PRR16: variants seen among roughly 807,000 people sequenced by gnomAD.
The protein encoded by PRR16 is proline rich 16, also known as protein Largen.
In PRR16, 6 loss-of-function variants were observed where a neutral mutation model predicts 18.2. The ratio of observed to expected loss-of-function variants is 0.33; its 90% CI spans 0.18 to 0.65. The LOEUF (loss-of-function observed/expected upper bound fraction) is 0.65, where lower values mean the gene tolerates loss of function less well. Among genes scored for constraint, PRR16 ranks in the 30% least tolerant of loss-of-function variants. The pLI is 0.74. For missense variants in PRR16, 412 were observed against 376.6 expected, an observed-to-expected ratio of 1.09 and a Z score of -0.78; for synonymous variants, 151 against 147.8, an observed-to-expected ratio of 1.02 and a Z score of -0.16.
intron 1 of PRR16, among the ~76,000 whole-genome samples, chr5:120,470,887 CCAAG>C (rs1749246510): frequency 6.6e-6 from 1 of 152,070 alleles, no homozygotes; most frequent in Non-Finnish European, 1.5e-5. Flanking sequence ...GCATTAACCG[CCAAG>C]CTCTTTCACG....
chr5:120,764,136 T>A, the PRR16 span, among the ~76,000 whole-genome samples: 1 of 150,448 alleles, frequency 6.6e-6, no homozygotes. Flanking sequence ...TTGTCTTGTT[T>A]TAGTTCTTAG....
chr5:120,556,233 G>GTTTTTTTTTTTTTTTT (rs34053155), intron 1 of PRR16, among the ~76,000 whole-genome samples: 1 of 121,760 alleles, frequency 8.2e-6, no homozygotes, highest in African/African-American at 3.1e-5. Flanking sequence ...CAATTTCATT[G>GTTTTTTTTTTTTTTTT]TTTTTTTTTT....
chr5:120,562,832 T>G (rs963382602), intron 1 of PRR16, among the ~76,000 whole-genome samples: 2 of 152,310 alleles, frequency 1.3e-5, no homozygotes, highest in Admixed American at 1.3e-4. Flanking sequence ...TGTCTTATTG[T>G]ATTGTCTATG....
intron 1 of PRR16, among the ~76,000 whole-genome samples, chr5:120,569,638 A>G (rs2112732817): frequency 1.3e-5 from 2 of 152,280 alleles, no homozygotes; most frequent in South Asian, 4.1e-4. Context: ...TGATAAGAAC[A>G]AAACATCACC....
chr5:120,617,522 T>A (rs1754552467), intron 1 of PRR16, among the ~76,000 whole-genome samples: 1 of 152,192 alleles, frequency 6.6e-6, no homozygotes, highest in South Asian at 2.1e-4. Context: ...AAGAAATATT[T>A]GTTGTTTGTT....
At chr5:120,569,076 C>G (rs1752823760) in intron 1 of PRR16, among the ~76,000 whole-genome samples, 1 of 152,052 alleles carries the variant, frequency 6.6e-6, no homozygotes, top group African/African-American at 2.4e-5. Context: ...ATACATGCCT[C>G]TAATCAGTAT....
chr5:120,732,376 G>A, the PRR16 span, among the ~76,000 whole-genome samples: 1 of 152,082 alleles, frequency 6.6e-6, no homozygotes, highest in Non-Finnish European at 1.5e-5. Context: ...GAGTGGGTAT[G>A]GATGCTGGTG....
chr5:120,541,065 C>T (rs540642471), intron 1 of PRR16, among the ~76,000 whole-genome samples: 1 of 152,202 alleles, frequency 6.6e-6, no homozygotes, highest in East Asian at 1.9e-4. Context: ...TAATTGATTG[C>T]TTTAGTATTT....
At chr5:120,507,449 G>A (rs1217084844) in intron 1 of PRR16, among the ~76,000 whole-genome samples, 1 of 152,020 alleles carries the variant, frequency 6.6e-6, no homozygotes, top group Non-Finnish European at 1.5e-5. Flanking sequence ...TAGCAAAAGT[G>A]GCAAATGTGT....
chr5:120,651,108 T>C (rs1755767758), intron 1 of PRR16, among the ~76,000 whole-genome samples: 3 of 152,200 alleles, frequency 2.0e-5, no homozygotes, highest in Admixed American at 2.0e-4. Flanking sequence ...ATGTGTCTTT[T>C]GGCTGCATAA....
chr5:120,617,045 A>G, intron 1 of PRR16: 1 of 900,554 alleles, frequency 1.1e-6, no homozygotes. Flanking sequence ...TTTTTTGGAA[A>G]GTCTAAAGTA....
intron 1 of PRR16, among the ~76,000 whole-genome samples, chr5:120,645,287 C>T (rs1755550361): frequency 6.6e-6 from 1 of 151,734 alleles, no homozygotes; most frequent in Non-Finnish European, 1.5e-5. Context: ...GACTTTAAGG[C>T]TGGTACTGTA....
At chr5:120,752,986 G>GATA in the PRR16 span, among the ~76,000 whole-genome samples, 148,741 of 151,906 alleles carry the variant, frequency 0.98, 72,899 homozygotes, top group East Asian at 1. Flanking sequence ...TAATATTATT[G>GATA]ATGTCAAATG....
chr5:120,695,966 T>A, the PRR16 span, among the ~76,000 whole-genome samples: 2 of 151,874 alleles, frequency 1.3e-5, no homozygotes, highest in African/African-American at 2.4e-5. Context: ...AAACCGGCCA[T>A]GCACGGTGGC....
At chr5:120,793,510 A>AGAAGACCTG in the PRR16 span, among the ~76,000 whole-genome samples, 1 of 152,282 alleles carries the variant, frequency 6.6e-6, no homozygotes, top group South Asian at 2.1e-4. Context: ...GTAAGACATC[A>AGAAGACCTG]GAAGACCTGA....
chr5:120,675,880 A>G (rs144420955), intron 1 of PRR16, among the ~76,000 whole-genome samples: 1,991 of 152,284 alleles, frequency 0.013, 17 homozygotes, highest in Middle Eastern at 0.048. Flanking sequence ...AGGCTCAACT[A>G]TGAATAATGA....
chr5:120,744,430 C>G, the PRR16 span, among the ~76,000 whole-genome samples: 1 of 152,188 alleles, frequency 6.6e-6, no homozygotes, highest in Non-Finnish European at 1.5e-5. Flanking sequence ...ATCTTTAGTT[C>G]TGGGTGTTAC....
the PRR16 span, among the ~76,000 whole-genome samples, chr5:120,736,408 G>A: frequency 2.0e-5 from 3 of 152,028 alleles, no homozygotes; most frequent in Admixed American, 6.6e-5. Context: ...GAAATTACAG[G>A]CATGCAGCAC....
intron 1 of PRR16, among the ~76,000 whole-genome samples, chr5:120,529,403 C>A (rs1447520085): frequency 1.3e-5 from 2 of 151,992 alleles, no homozygotes; most frequent in Admixed American, 6.6e-5. Context: ...ATGTTTTAGA[C>A]CATAAGTGTA....
Sources: allele counts gnomAD v4.1 joint callset (sites outside exome capture counted in the v4.1 genomes callset), GRCh38; gene constraint gnomAD v4.1.1; transcripts MANE v1.5; gene names NCBI Gene and HGNC (gene_info 2026-07-23, HGNC 2026-07-21).